CCDC88C: variants seen among roughly 807,000 people sequenced by gnomAD.
CCDC88C encodes protein Daple.
A neutral mutation model predicts 198.8 loss-of-function variants in CCDC88C; 131 were observed. That is an observed-to-expected ratio of 0.66 (90% CI 0.57 to 0.76). The LOEUF (loss-of-function observed/expected upper bound fraction) is 0.76, where lower values mean the gene tolerates loss of function less well. Among genes scored for constraint, CCDC88C ranks in the 30% least tolerant of loss-of-function variants. CCDC88C has a pLI of 0.00. For missense variants in CCDC88C, 2,553 were observed against 2,631.6 expected, an observed-to-expected ratio of 0.97 and a Z score of 0.65; for synonymous variants, 1,166 against 1,114.7, an observed-to-expected ratio of 1.05 and a Z score of -0.92.
At chr14:91,285,123 A>C (rs1020179093) in intron 25 of CCDC88C, among the ~76,000 whole-genome samples, 6 of 152,224 alleles carry the variant, frequency 3.9e-5, no homozygotes, top group African/African-American at 1.4e-4. Context: ...AAATGCCTGA[A>C]TGGAGCAATC....
Position 91,283,493 on chromosome 14 carries a change from C to A in CCDC88C, c.4466G>T (p.Arg1489Leu). The A allele has an allele frequency of 6.2e-7, 1 of 1,611,560 alleles. No individual in the cohort carries two copies. ...GKGPGDLKPKRGSPHRGSLDR... is the reference protein window; with the variant it reads ...GKGPGDLKPKLGSPHRGSLDR... ...AAGGCTGCCTCTGTGTGGGGAGCCT[C>A]GCTTTGGTTTTAGATCCCCAGGGCC... is the stretch of plus-strand genomic sequence containing the variant. Residue 1489 changes from arginine to leucine, a missense_variant, in exon 26 of 30, where the codon CGA becomes CTA. Physicochemically the swap from Arg to Leu is moderately radical, Grantham distance 102. Coordinates refer to ENST00000389857, the MANE Select transcript of CCDC88C (RefSeq NM_001080414.4).
At chr14:91,402,580 G>A (rs1459831760) in intron 3 of CCDC88C, among the ~76,000 whole-genome samples, 2 of 152,124 alleles carry the variant, frequency 1.3e-5, no homozygotes, top group African/African-American at 2.4e-5. Flanking sequence ...CACAGCAAGC[G>A]GATAAAAGTG....
In CCDC88C at chr14:91,272,511, C is replaced by T; in HGVS notation, c.*114G>A. The T allele has an allele frequency of 4.6e-6, 5 of 1,087,714 alleles. No homozygotes were observed. The highest frequency in any genetic ancestry group is 6.6e-6 in the Non-Finnish European group (5 of 756,326). The allele number at this position is 1,087,714 out of a possible 1,614,324, so 67.4% of individuals were successfully genotyped here. A position where few individuals can be genotyped will look rare whatever the true frequency, so the allele number is the denominator to read the frequency against. On this transcript the variant is annotated 3_prime_UTR_variant, in exon 30 of 30. Coordinates refer to ENST00000389857, the MANE Select transcript of CCDC88C (RefSeq NM_001080414.4). Reference sequence around the variant, plus strand: ...ACAAACAGCAGAAATGCGTGGGAACCCCTTTCCTCATTCCAAACCCTCTCC... The same window carrying T: ...ACAAACAGCAGAAATGCGTGGGAACTCCTTTCCTCATTCCAAACCCTCTCC...
intron 27 of CCDC88C, among the ~76,000 whole-genome samples, chr14:91,280,663 C>G (rs1038769474): frequency 6.6e-6 from 1 of 152,146 alleles, no homozygotes; most frequent in African/African-American, 2.4e-5. Flanking sequence ...GCTGACTGAT[C>G]GCAAATCTGG....
chr14:91,377,373 G>A (rs1029325479), intron 3 of CCDC88C, among the ~76,000 whole-genome samples: 2 of 152,194 alleles, frequency 1.3e-5, no homozygotes, highest in Admixed American at 6.5e-5. Flanking sequence ...AACTGCTGAC[G>A]ATCTATGCCA....
At chr14:91,276,312 C>A (rs1380292787) in intron 29 of CCDC88C, among the ~76,000 whole-genome samples, 2 of 152,252 alleles carry the variant, frequency 1.3e-5, no homozygotes, top group Admixed American at 6.5e-5. Flanking sequence ...CAACATTAGA[C>A]CGCTAACTTC....
chr14:91,399,838 C>CAAAAA (rs71120133), intron 3 of CCDC88C, among the ~76,000 whole-genome samples: 2 of 75,154 alleles, frequency 2.7e-5, no homozygotes, highest in African/African-American at 1.0e-4. Context: ...GACTCCCTCT[C>CAAAAA]AAAAAAAAAA....
At chr14:91,358,935 G>A (rs545244128) in intron 4 of CCDC88C, among the ~76,000 whole-genome samples, 7 of 152,198 alleles carry the variant, frequency 4.6e-5, no homozygotes, top group Admixed American at 2.6e-4. Flanking sequence ...CATGAACCTC[G>A]CAGGACCCCA....
chr14:91,392,648 C>T (rs1388604643), intron 3 of CCDC88C, among the ~76,000 whole-genome samples: 2 of 152,134 alleles, frequency 1.3e-5, no homozygotes, highest in African/African-American at 2.4e-5. Flanking sequence ...CAGCCCAGCC[C>T]GAGGACCTGG....
In CCDC88C at chr14:91,416,627, G is replaced by A. The variant is rs1887068038; in HGVS notation, c.161+111C>T. ...AGATACCAGCGTCTCCACCTTCAGA[G>A]AACTACCCCCCACCCCACACACACC... On this transcript the variant is annotated intron_variant, in intron 2 of 29. Transcript: ENST00000389857. 24 of 790,708 alleles carry A rather than the reference G, an allele frequency of 3.0e-5. 1 individual carries two copies. Among genetic ancestry groups the A allele is most frequent in the South Asian group, 2.5e-4 (17 of 67,824 alleles). 49.0% of individuals were successfully genotyped at this position (790,708 alleles called of 1,614,324 possible).
rs60486175 is a variant in CCDC88C, at chr14:91,301,833, C to G, written c.3636-1763G>C. Reference sequence around the variant, plus strand: ...TGCTGGGCATCATGCTAGTATCAGACTTACACGAATGCTTCATTAGTTTGT... The same window carrying G: ...TGCTGGGCATCATGCTAGTATCAGAGTTACACGAATGCTTCATTAGTTTGT... On this transcript the variant is annotated intron_variant, in intron 20 of 29. Coordinates refer to ENST00000389857, the MANE Select transcript of CCDC88C (RefSeq NM_001080414.4). 5.8e-3 allele frequency among the ~76,000 whole-genome samples: 890 copies of G among 152,348 alleles called. 4 individuals carry two copies. Among genetic ancestry groups the G allele is most frequent in the African/African-American group, 0.021 (856 of 41,570 alleles).
intron 1 of CCDC88C, chr14:91,417,207 T>A (rs1887110970): frequency 1.4e-6 from 1 of 702,884 alleles, no homozygotes; most frequent in East Asian, 2.7e-5. Flanking sequence ...TCCCCACCCG[T>A]CACCGCCATC....
At chr14:91,327,404 T>C (rs760788060) in intron 10 of CCDC88C, among the ~76,000 whole-genome samples, 7 of 152,230 alleles carry the variant, frequency 4.6e-5, no homozygotes, top group Non-Finnish European at 1.0e-4. Flanking sequence ...TCTCGCTGCC[T>C]GTGCCCAGCA....
At chr14:91,317,497 A>G (rs1407657273) in intron 13 of CCDC88C, among the ~76,000 whole-genome samples, 1 of 152,236 alleles carries the variant, frequency 6.6e-6, no homozygotes, top group Non-Finnish European at 1.5e-5. Context: ...CACCTGTCAA[A>G]TGCTGGCGAG....
Position 91,338,502 on chromosome 14 carries a change from T to C in CCDC88C, c.878A>G (p.Lys293Arg). The C allele has an allele frequency of 3.8e-6, 6 of 1,568,094 alleles. No individual in the cohort carries two copies. The highest frequency in any genetic ancestry group is 5.2e-6 in the Non-Finnish European group (6 of 1,156,778). Residue 293 changes from lysine (K) to arginine (R), a missense_variant, in exon 9 of 30, where the codon AAA (lysine) becomes AGA (arginine). Coordinates refer to ENST00000389857, the MANE Select transcript of CCDC88C (RefSeq NM_001080414.4). This position sits in a 1 kb window ranked among gnomAD's most constrained non-coding sequence, Gnocchi z 4.8. The stretch of plus-strand genomic sequence containing the variant: ...CCCCCGACTCACCTCCTGCTTAACT[T>C]TCTGCAGTTCCAGCACCAGCTGGTC... ...EVDQLVLELQ[K>R]VKQENIQLAA...
chr14:91,301,339 T>C (rs1376762360), intron 20 of CCDC88C, among the ~76,000 whole-genome samples: 1 of 152,208 alleles, frequency 6.6e-6, no homozygotes, highest in Non-Finnish European at 1.5e-5. Context: ...AACTACCACA[T>C]GCTGTACTGA....
At position 91,335,989 on chromosome 14, in the gene CCDC88C, C is replaced by G. The variant is rs184002123; in HGVS notation, c.1050+2016G>C. Reference sequence around the variant, plus strand: ...CGTTGGCGGCTCAGTGTCTGCAAACCCACGTTTGTCTCACTACCTATCCCT... The same window carrying G: ...CGTTGGCGGCTCAGTGTCTGCAAACGCACGTTTGTCTCACTACCTATCCCT... On this transcript the variant is annotated intron_variant, in intron 10 of 29. Coordinates refer to ENST00000389857, the MANE Select transcript of CCDC88C (RefSeq NM_001080414.4). Among the ~76,000 whole-genome samples the G allele has an allele frequency of 7.2e-5, 11 of 152,290 alleles. No homozygotes were observed. The East Asian group carries it at 2.1e-3, about 29-fold the overall frequency.
intron 4 of CCDC88C, among the ~76,000 whole-genome samples, chr14:91,351,348 A>T (rs1893782341): frequency 6.6e-6 from 1 of 152,214 alleles, no homozygotes; most frequent in African/African-American, 2.4e-5. Context: ...TCTCCTCAGT[A>T]CACGGGCACA....
At chr14:91,369,900 G>C (rs1348073731) in intron 3 of CCDC88C, among the ~76,000 whole-genome samples, 1 of 152,188 alleles carries the variant, frequency 6.6e-6, no homozygotes, top group Non-Finnish European at 1.5e-5. Flanking sequence ...TCCGTACCCA[G>C]GGACCAACTC....
Sources: gnomAD v4.1 joint callset for allele counts (sites outside exome capture counted in the v4.1 genomes callset) on GRCh38, gnomAD v4.1.1 for gene constraint, Gnocchi (gnomAD v3.1) non-coding constraint, MANE v1.5 for transcripts, NCBI Gene and HGNC (gene_info 2026-07-23, HGNC 2026-07-21) for gene names.